Variants in CD226 observed in about 807,000 individuals in gnomAD.
CD226 encodes CD226 antigen.
In CD226, 24 loss-of-function variants were observed where a neutral mutation model predicts 34.9. That is an observed-to-expected ratio of 0.69 (90% confidence interval 0.50 to 0.97). CD226 has a LOEUF of 0.97. Ranked by LOEUF, CD226 falls within the 50% of genes least tolerant of loss-of-function variation. CD226 has a pLI of 0.00. For missense variants in CD226, 397 were observed against 412.7 expected, an observed-to-expected ratio of 0.96 and a Z score of 0.33; for synonymous variants, 148 against 147.4, an observed-to-expected ratio of 1.00 and a Z score of -0.03.
chr18:69,894,099 T>G, intron 3 of CD226, among the ~76,000 whole-genome samples: 1 of 142,594 alleles, frequency 7.0e-6, no homozygotes, highest in African/African-American at 2.6e-5. Flanking sequence ...TGGAACAGAG[T>G]GAAAGAAGGA....
Position 69,857,858 on chromosome 18 carries a change from C to T in CD226, c.*6456G>A, listed in dbSNP as rs909525825. The T allele has an allele frequency of 1.3e-5, 2 of 152,100 alleles. No individual in the cohort carries two copies. The highest frequency in any genetic ancestry group is 4.8e-5 in the African/African-American group (2 of 41,410). 9.4% of individuals were successfully genotyped at this position (152,100 alleles called of 1,614,324 possible). On this transcript the variant is annotated 3_prime_UTR_variant, in exon 6 of 6. Transcript: ENST00000582621. The stretch of plus-strand genomic sequence containing the variant: ...AATGATACACAGTATAATTTTGTGG[C>T]ATTTTGATTACAAGTTTTCCATTTA...
chr18:69,909,212 T>C (rs927726205), intron 2 of CD226, among the ~76,000 whole-genome samples: 14 of 152,304 alleles, frequency 9.2e-5, no homozygotes, highest in Admixed American at 2.6e-4. Context: ...CCCAATAATT[T>C]TGGGGGGACT....
chr18:69,923,817 A>G (rs2055485673), intron 2 of CD226, among the ~76,000 whole-genome samples: 1 of 151,162 alleles, frequency 6.6e-6, no homozygotes. Flanking sequence ...AGCCGGGCGT[A>G]GTGGCGGGCG....
At chr18:69,898,227 C>T (rs17208329) in intron 2 of CD226, among the ~76,000 whole-genome samples, 29,846 of 151,992 alleles carry the variant, frequency 0.2, 3,171 homozygotes, top group Middle Eastern at 0.28. Flanking sequence ...GAGGAGAAAT[C>T]GACTTTCATG....
intron 2 of CD226, among the ~76,000 whole-genome samples, chr18:69,935,315 C>T (rs578229081): frequency 6.6e-6 from 1 of 152,176 alleles, no homozygotes; most frequent in Non-Finnish European, 1.5e-5. Flanking sequence ...GTCACTCACA[C>T]CTACTCACTA....
At chr18:69,869,855 C>A (rs1308022296) in intron 4 of CD226, among the ~76,000 whole-genome samples, 1 of 141,764 alleles carries the variant, frequency 7.1e-6, no homozygotes, top group Non-Finnish European at 1.5e-5. Flanking sequence ...GGCTGGGATG[C>A]AATGCTGCAA....
At chr18:69,892,808 TC>T (rs2042093103) in intron 3 of CD226, among the ~76,000 whole-genome samples, 1 of 151,426 alleles carries the variant, frequency 6.6e-6, no homozygotes, top group Admixed American at 6.6e-5. Context: ...AATATGAGAG[TC>T]CTAAAAATCT....
chr18:69,867,616 G>A (rs1346706216), intron 4 of CD226, among the ~76,000 whole-genome samples: 1 of 151,980 alleles, frequency 6.6e-6, no homozygotes, highest in South Asian at 2.1e-4. Context: ...CAGATGGTGA[G>A]GGCAACTAAA....
At chr18:69,952,030 C>T (rs148604177), upstream of CD226, among the ~76,000 whole-genome samples, 2 of 152,202 alleles carry the variant, frequency 1.3e-5, no homozygotes, top group African/African-American at 4.8e-5. Flanking sequence ...AACCTAAGTG[C>T]CCATCAATGA....
At chr18:69,918,738 G>A (rs778733516) in intron 2 of CD226, among the ~76,000 whole-genome samples, 2 of 152,174 alleles carry the variant, frequency 1.3e-5, no homozygotes, top group Non-Finnish European at 1.5e-5. Context: ...GCCAGATAGA[G>A]AGCAATGTCT....
chr18:69,907,413 T>C (rs933458794), intron 2 of CD226, among the ~76,000 whole-genome samples: 6 of 152,200 alleles, frequency 3.9e-5, no homozygotes, highest in African/African-American at 1.4e-4. Flanking sequence ...GTTCAAGCAA[T>C]TCTGCTGCCT....
At position 69,855,249 on chromosome 18, in the gene CD226, T is replaced by C. The variant is rs1454637448; in HGVS notation, c.*9065A>G. 2.0e-5 allele frequency: 3 copies of C among 151,996 alleles called. No homozygotes were observed. The highest frequency in any genetic ancestry group is 2.9e-5 in the Non-Finnish European group (2 of 68,010). 9.4% of individuals were successfully genotyped at this position (151,996 alleles called of 1,614,324 possible). A position where few individuals can be genotyped will look rare whatever the true frequency, so the allele number is the denominator to read the frequency against. ...TCAGACATGGAACTTATCATTAATA[T>C]GTTAAGAGCTCTCATGAAAAAAATA... is the stretch of plus-strand genomic sequence containing the variant. On this transcript the variant is annotated 3_prime_UTR_variant, in exon 6 of 6. Coordinates refer to ENST00000582621, the MANE Select transcript of CD226 (RefSeq NM_001303618.2).
At chr18:69,955,259 G>A (rs1380672194) in intron 1 of CD226, among the ~76,000 whole-genome samples, 1 of 152,142 alleles carries the variant, frequency 6.6e-6, no homozygotes, top group Non-Finnish European at 1.5e-5. Context: ...TGTCTCTATG[G>A]TTTCTGAGCA....
chr18:69,904,320 ATTCCC>A (rs2055224486), intron 2 of CD226, among the ~76,000 whole-genome samples: 1 of 152,194 alleles, frequency 6.6e-6, no homozygotes, highest in South Asian at 2.1e-4. Context: ...CCAAAGAGCG[ATTCCC>A]CTGTCTAAGC....
intron 2 of CD226, among the ~76,000 whole-genome samples, chr18:69,920,995 T>A (rs1249881089): frequency 6.6e-6 from 1 of 152,192 alleles, no homozygotes; most frequent in African/African-American, 2.4e-5. Context: ...CTTTTTCCCA[T>A]CTGCAGGTCA....
intron 2 of CD226, among the ~76,000 whole-genome samples, chr18:69,915,334 A>G (rs2055372647): frequency 6.6e-6 from 1 of 152,200 alleles, no homozygotes; most frequent in South Asian, 2.1e-4. Context: ...TAATATAACT[A>G]ACCAAAGGTC....
intron 2 of CD226, chr18:69,896,322 T>C (rs913387051): frequency 1.0e-4 from 21 of 207,964 alleles, no homozygotes; most frequent in South Asian, 1.7e-4. Flanking sequence ...GCTGGGACTA[T>C]AGGCGCCCGC....
At chr18:69,908,172 A>G (rs1323878314) in intron 2 of CD226, among the ~76,000 whole-genome samples, 1 of 152,196 alleles carries the variant, frequency 6.6e-6, no homozygotes, top group Admixed American at 6.5e-5. Context: ...TGGATATAAC[A>G]AAGTACTGCA....
At chr18:69,929,152 G>C (rs567043488) in intron 2 of CD226, among the ~76,000 whole-genome samples, 17 of 152,352 alleles carry the variant, frequency 1.1e-4, no homozygotes, top group Admixed American at 9.2e-4. Flanking sequence ...ACCCAGCCTA[G>C]AAAATGCTGC....
Sources: allele counts gnomAD v4.1 joint callset (sites outside exome capture counted in the v4.1 genomes callset), GRCh38; gene constraint gnomAD v4.1.1; transcripts MANE v1.5; gene names NCBI Gene and HGNC (gene_info 2026-07-23, HGNC 2026-07-21).